Variants in SELENOF observed in about 807,000 individuals in gnomAD.
SELENOF encodes the protein 15 kDa selenoprotein.
A neutral mutation model predicts 20.5 loss-of-function variants in SELENOF; 16 were observed. The observed-to-expected ratio is 0.78, with a 90% CI of 0.53 to 1.19. The LOEUF is 1.19. Ranked by LOEUF, SELENOF falls within the 50% of genes most tolerant of loss-of-function variation. SELENOF has a pLI of 0.00. For synonymous variants in SELENOF, 78 were observed against 74.5 expected, an observed-to-expected ratio of 1.05 and a Z score of -0.24; for missense variants, 215 against 194.2, an observed-to-expected ratio of 1.11 and a Z score of -0.64.
chr1:86,893,549 C>T (rs1048528069), intron 2 of SELENOF, among the ~76,000 whole-genome samples: 8 of 144,302 alleles, frequency 5.5e-5, no homozygotes, highest in Non-Finnish European at 1.2e-4. Context: ...AACCGGGAGG[C>T]AGAGGTTGCA....
chr1:86,870,349 T>A (rs1658728588), intron 3 of SELENOF, among the ~76,000 whole-genome samples: 1 of 152,224 alleles, frequency 6.6e-6, no homozygotes, highest in Admixed American at 6.5e-5. Flanking sequence ...ATCATTTCTA[T>A]TAACTTTATC....
Position 86,863,284 on chromosome 1 carries a change from T to G in SELENOF, c.*190A>C. 2.3e-6 allele frequency: 1 copy of G among 429,290 alleles called. No homozygotes were observed. The highest frequency in any genetic ancestry group is 4.1e-6 in the Non-Finnish European group (1 of 245,898). 26.6% of individuals were successfully genotyped at this position (429,290 alleles called of 1,614,324 possible). A position where few individuals can be genotyped will look rare whatever the true frequency, so the allele number is the denominator to read the frequency against. ...CAGGAGGATGGACATTTATAAAAAA[T>G]GGGTTTTGTTAAGCTTGCCAACTCC... On this transcript the variant is annotated 3_prime_UTR_variant, in exon 5 of 5. Transcript: ENST00000331835.
chr1:86,866,744 A>G (rs145014749), intron 4 of SELENOF, among the ~76,000 whole-genome samples: 114 of 152,360 alleles, frequency 7.5e-4, no homozygotes, highest in African/African-American at 2.4e-3. Flanking sequence ...GCAAATTAAA[A>G]TAACAATGAA....
intron 2 of SELENOF, among the ~76,000 whole-genome samples, chr1:86,890,938 T>C (rs1180610528): frequency 1.3e-5 from 2 of 152,138 alleles, no homozygotes; most frequent in African/African-American, 4.8e-5. Context: ...CAACTTTTAT[T>C]TAATTTAATT....
intron 2 of SELENOF, among the ~76,000 whole-genome samples, chr1:86,899,418 ACC>A (rs1379888839): frequency 9.8e-6 from 1 of 101,536 alleles, no homozygotes; most frequent in East Asian, 2.4e-4. Flanking sequence ...CAGGGGGCCG[ACC>A]CCCCCCACCT....
chr1:86,912,563 G>A (rs970289726), intron 1 of SELENOF, among the ~76,000 whole-genome samples: 8 of 152,138 alleles, frequency 5.3e-5, no homozygotes, highest in African/African-American at 1.7e-4. Context: ...GATTTCCAAG[G>A]CAAGGCTTTA....
At chr1:86,886,631 G>T (rs1216059205) in intron 2 of SELENOF, among the ~76,000 whole-genome samples, 3 of 152,008 alleles carry the variant, frequency 2.0e-5, no homozygotes, top group Non-Finnish European at 4.4e-5. Flanking sequence ...TATATTAAAA[G>T]AAGTTTTTCA....
At chr1:86,909,430 C>T (rs886402470) in intron 1 of SELENOF, among the ~76,000 whole-genome samples, 1 of 152,148 alleles carries the variant, frequency 6.6e-6, no homozygotes, top group East Asian at 1.9e-4. Flanking sequence ...AGTGGTTGGG[C>T]TTCCTCACTG....
intron 3 of SELENOF, among the ~76,000 whole-genome samples, chr1:86,874,723 C>T (rs1310171173): frequency 2.0e-5 from 3 of 151,974 alleles, no homozygotes; most frequent in African/African-American, 7.3e-5. Flanking sequence ...TTCAAAATCA[C>T]AAACACGTGA....
chr1:86,905,448 T>C (rs1659804674), intron 1 of SELENOF, among the ~76,000 whole-genome samples: 1 of 152,194 alleles, frequency 6.6e-6, no homozygotes, highest in Non-Finnish European at 1.5e-5. Flanking sequence ...TCAGTATTAG[T>C]CTTTTAGGAA....
chr1:86,896,669 G>T (rs1659534845), intron 2 of SELENOF, among the ~76,000 whole-genome samples: 2 of 152,180 alleles, frequency 1.3e-5, no homozygotes, highest in South Asian at 4.1e-4. Flanking sequence ...TTTTTAGATA[G>T]ATTTGGGATG....
intron 2 of SELENOF, among the ~76,000 whole-genome samples, chr1:86,881,915 T>TCAC (rs1350367727): frequency 5.9e-5 from 9 of 151,970 alleles, no homozygotes; most frequent in Non-Finnish European, 1.3e-4. Flanking sequence ...TCTCTAAGGG[T>TCAC]CACTGCAGCA....
At chr1:86,888,344 C>A (rs1431445457) in intron 2 of SELENOF, among the ~76,000 whole-genome samples, 1 of 151,658 alleles carries the variant, frequency 6.6e-6, no homozygotes, top group East Asian at 1.9e-4. Flanking sequence ...ACCAACTAGC[C>A]CCTTGGTAAT....
chr1:86,886,648 G>A (rs1659228046), intron 2 of SELENOF, among the ~76,000 whole-genome samples: 1 of 152,024 alleles, frequency 6.6e-6, no homozygotes, highest in Non-Finnish European at 1.5e-5. Flanking sequence ...TTCAAACCAA[G>A]TTAATATAAC....
chr1:86,904,196 G>C (rs1052415860), intron 1 of SELENOF, among the ~76,000 whole-genome samples: 3 of 152,144 alleles, frequency 2.0e-5, no homozygotes, highest in African/African-American at 7.2e-5. Flanking sequence ...AGAAGGACGG[G>C]AAAGGGGATG....
At chr1:86,871,979 G>A (rs1658781652) in intron 3 of SELENOF, among the ~76,000 whole-genome samples, 1 of 152,058 alleles carries the variant, frequency 6.6e-6, no homozygotes, top group African/African-American at 2.4e-5. Context: ...GATTCTGGAG[G>A]AGGGCAGCTG....
chr1:86,890,239 A>G (rs1383717681), intron 2 of SELENOF, among the ~76,000 whole-genome samples: 2 of 152,146 alleles, frequency 1.3e-5, no homozygotes, highest in Non-Finnish European at 2.9e-5. Context: ...CCTTCTCTCA[A>G]CCATTTGCCT....
Position 86,863,513 on chromosome 1 carries a change from ACTGT to A in SELENOF, c.455_458del (p.Asp152ValfsTer?), listed in dbSNP as rs1658513039. The A allele has an allele frequency of 3.7e-6, 6 of 1,613,692 alleles. No homozygotes were observed. Among genetic ancestry groups the A allele is most frequent in the East Asian group, 2.2e-5 (1 of 44,838 alleles). The stretch of plus-strand genomic sequence containing the variant: ...ACTTTTCACTCAGGAATTCTTCTAC[ACTGT>A]CTGTGTTCCATTTGAGAATGCTCAG... On this transcript the variant is annotated frameshift_variant, in exon 5 of 5. Transcript: ENST00000331835. LOFTEE classifies it high-confidence loss of function.
intron 4 of SELENOF, among the ~76,000 whole-genome samples, chr1:86,866,913 TA>T (rs1182213501): frequency 6.6e-6 from 1 of 152,210 alleles, no homozygotes; most frequent in Non-Finnish European, 1.5e-5. Context: ...CTTACAAAGT[TA>T]AACAATCTTA....
Sources: gnomAD v4.1 joint callset for allele counts (sites outside exome capture counted in the v4.1 genomes callset) on GRCh38, gnomAD v4.1.1 for gene constraint, MANE v1.5 for transcripts, NCBI Gene and HGNC (gene_info 2026-07-23, HGNC 2026-07-21) for gene names.